PTPRN2: variants seen among roughly 807,000 people sequenced by gnomAD.
PTPRN2 encodes the protein protein tyrosine phosphatase receptor type N2.
Under a neutral mutation model 118.8 loss-of-function variants are expected in PTPRN2, and 74 were observed. The observed-to-expected ratio is 0.62, with a 90% CI of 0.52 to 0.76. The LOEUF (loss-of-function observed/expected upper bound fraction) is 0.76, where lower values mean the gene tolerates loss of function less well. Ranked by LOEUF, PTPRN2 falls within the 30% of genes least tolerant of loss-of-function variation. The pLI is 0.00. For missense variants in PTPRN2, 1,481 were observed against 1,394.4 expected, an observed-to-expected ratio of 1.06 and a Z score of -0.99; for synonymous variants, 641 against 608.0, an observed-to-expected ratio of 1.05 and a Z score of -0.80.
chr7:157,682,599 A>G, intron 13 of PTPRN2, 126 bp downstream of exon 13: 4 of 1,006,626 alleles, frequency 4.0e-6, no homozygotes, highest in African/African-American at 1.6e-5. Context: ...CTGTCCTCAT[A>G]AAAGACCCCA....
At chr7:157,928,559 G>A (rs1399020939) in intron 11 of PTPRN2, among the ~76,000 whole-genome samples, 1 of 151,980 alleles carries the variant, frequency 6.6e-6, no homozygotes, top group African/African-American at 2.4e-5. Context: ...AAAAGAGATT[G>A]CGAAGCCACC....
intron 1 of PTPRN2, among the ~76,000 whole-genome samples, chr7:158,516,652 A>T (rs1377578361): frequency 7.2e-6 from 1 of 139,732 alleles, no homozygotes; most frequent in Non-Finnish European, 1.5e-5. Context: ...GCTCCTGCCT[A>T]TTGTTCTTGG....
intron 12 of PTPRN2, among the ~76,000 whole-genome samples, chr7:157,843,075 T>C (rs765306185): frequency 6.6e-6 from 1 of 152,316 alleles, no homozygotes; most frequent in East Asian, 1.9e-4. Context: ...TCACTCTTGA[T>C]AGCATAATAT....
At chr7:158,482,864 A>G (rs1820744029) in intron 2 of PTPRN2, among the ~76,000 whole-genome samples, 1 of 152,232 alleles carries the variant, frequency 6.6e-6, no homozygotes, top group African/African-American at 2.4e-5. Flanking sequence ...ACCTCAAAAT[A>G]TGGCAGGGTG....
At chr7:157,791,827 C>T (rs1410579428) in intron 12 of PTPRN2, among the ~76,000 whole-genome samples, 1 of 152,228 alleles carries the variant, frequency 6.6e-6, no homozygotes, top group Non-Finnish European at 1.5e-5. Context: ...TGGAGGGTAT[C>T]GCACCTACAG....
intron 2 of PTPRN2, among the ~76,000 whole-genome samples, chr7:158,383,012 AC>A (rs1192309427): frequency 1.3e-5 from 2 of 152,136 alleles, no homozygotes; most frequent in Non-Finnish European, 2.9e-5. Flanking sequence ...AAGGTTGGGG[AC>A]CACTGTCTTA....
rs1802689052 is a variant in PTPRN2 at position 157,615,325 on chromosome 7, C to T, written c.2344+6037G>A. ...TGCGTGGGTTGCGGCTGGGTCTGCG[C>T]TGGGGTAGTGTAGGCTGCACTCTCC... On this transcript the variant is annotated intron_variant, in intron 15 of 22. Coordinates refer to ENST00000389418, the MANE Select transcript of PTPRN2 (RefSeq NM_002847.5). This position sits in a 1 kb window ranked among gnomAD's most constrained non-coding sequence, Gnocchi z 4.3. The T allele has an allele frequency of 2.5e-6, 1 of 405,186 alleles. No homozygotes were observed. Among genetic ancestry groups the T allele is most frequent in the South Asian group, 1.9e-5 (1 of 53,908 alleles). The allele number at this position is 405,186 out of a possible 1,614,324, so 25.1% of individuals were successfully genotyped here.
chr7:157,695,970 C>T (rs1169602318), intron 12 of PTPRN2, among the ~76,000 whole-genome samples: 16 of 150,770 alleles, frequency 1.1e-4, no homozygotes, highest in Non-Finnish European at 1.5e-5. Context: ...CCCATGCATA[C>T]TGGGTCTTGG....
At chr7:157,545,501 G>A (rs1585010036) in intron 22 of PTPRN2, among the ~76,000 whole-genome samples, 2 of 152,118 alleles carry the variant, frequency 1.3e-5, no homozygotes, top group Admixed American at 6.5e-5. Context: ...GTGTGCAGGT[G>A]TGTGGGTGTA....
At chr7:158,358,221 C>A (rs1808549533) in intron 2 of PTPRN2, among the ~76,000 whole-genome samples, 2 of 152,342 alleles carry the variant, frequency 1.3e-5, no homozygotes, top group South Asian at 4.1e-4. Context: ...CCTACGCCCA[C>A]CTTTCTTCCG....
At chr7:157,594,452 G>A (rs1801167818) in intron 17 of PTPRN2, among the ~76,000 whole-genome samples, 1 of 152,196 alleles carries the variant, frequency 6.6e-6, no homozygotes, top group Admixed American at 6.5e-5. Flanking sequence ...CCTGATCCCA[G>A]CGTCACTGCT....
At chr7:157,996,295 G>A (rs190134274) in intron 11 of PTPRN2, among the ~76,000 whole-genome samples, 8 of 152,348 alleles carry the variant, frequency 5.3e-5, no homozygotes, top group Middle Eastern at 3.4e-3. Context: ...GGAAGGGAGA[G>A]GAGGGTGAGA....
At position 158,527,300 on chromosome 7, in the gene PTPRN2, G is replaced by GCC. The variant is rs111783411; in HGVS notation, c.113-37517_113-37516dup. 6.9e-3 allele frequency among the ~76,000 whole-genome samples: 1,048 copies of GCC among 151,674 alleles called. 14 individuals carry two copies. Among genetic ancestry groups the GCC allele is most frequent in the African/African-American group, 0.024 (999 of 41,162 alleles). Reference sequence around the variant, plus strand: ...CCTGGGCCTCCCTGACCCCGGCCATGCCCCCCGCCACCGGAGCCACTTCAC... The same window carrying GCC: ...CCTGGGCCTCCCTGACCCCGGCCATGCCCCCCCCGCCACCGGAGCCACTTCAC... On this transcript the variant is annotated intron_variant, in intron 1 of 22. Coordinates refer to ENST00000389418, the MANE Select transcript of PTPRN2 (RefSeq NM_002847.5).
At chr7:158,258,101 A>C (rs915842412) in intron 3 of PTPRN2, among the ~76,000 whole-genome samples, 3 of 152,202 alleles carry the variant, frequency 2.0e-5, no homozygotes, top group African/African-American at 7.2e-5. Flanking sequence ...AAGAGACCCA[A>C]ATAGAACTAA....
chr7:158,082,517 C>T (rs768707716), intron 10 of PTPRN2, among the ~76,000 whole-genome samples: 1 of 152,214 alleles, frequency 6.6e-6, no homozygotes, highest in Admixed American at 6.5e-5. Flanking sequence ...CGTGCCATTA[C>T]GAGGCAGCAC....
intron 3 of PTPRN2, among the ~76,000 whole-genome samples, chr7:158,225,326 G>T (rs1828678836): frequency 6.6e-6 from 1 of 152,096 alleles, no homozygotes; most frequent in Non-Finnish European, 1.5e-5. Context: ...GAACCACCGA[G>T]TCCCTCAGCA....
At chr7:157,545,358 T>G (rs1798256641) in intron 22 of PTPRN2, among the ~76,000 whole-genome samples, 1 of 147,552 alleles carries the variant, frequency 6.8e-6, no homozygotes, top group South Asian at 2.2e-4. Context: ...GGTGTGTGCA[T>G]GGGGATGCGC....
At chr7:158,331,955 T>C (rs4909180) in intron 2 of PTPRN2, among the ~76,000 whole-genome samples, 29,147 of 137,734 alleles carry the variant, frequency 0.21, 4,158 homozygotes, top group Middle Eastern at 0.3. Context: ...ACTCCCACGA[T>C]AAGAGCTGAC....
rs1371646423 is a variant in PTPRN2 at position 157,568,894 on chromosome 7, T to TG, written c.2902+7dup. 6.5e-7 allele frequency: 1 copy of TG among 1,549,108 alleles called. No homozygotes were observed. The highest frequency in any genetic ancestry group is 8.9e-7 in the Non-Finnish European group (1 of 1,121,154). On this transcript the variant is annotated splice_region_variant and intron_variant, in intron 21 of 22. Coordinates refer to ENST00000389418, the MANE Select transcript of PTPRN2 (RefSeq NM_002847.5). ...AGCCGCAACAAAGCGGCAGTGTCTG[T>TG]GTCTCACCTTTGGCCATCTTGTTGA...
Sources: gnomAD v4.1 joint callset for allele counts (sites outside exome capture counted in the v4.1 genomes callset) on GRCh38, gnomAD v4.1.1 for gene constraint, Gnocchi (gnomAD v3.1) non-coding constraint, MANE v1.5 for transcripts, NCBI Gene and HGNC (gene_info 2026-07-23, HGNC 2026-07-21) for gene names.